Variants in DCC observed in about 807,000 individuals in gnomAD.
DCC encodes the protein netrin receptor DCC.
Under a neutral mutation model 172.5 loss-of-function variants are expected in DCC, and 58 were observed. That is an observed-to-expected ratio of 0.34 (90% confidence interval 0.27 to 0.42). The LOEUF is 0.42. DCC is among the 10% of genes least tolerant of loss of function. The pLI is 1.00. For missense variants in DCC, 1,740 were observed against 1,791.0 expected, an observed-to-expected ratio of 0.97 and a Z score of 0.51; for synonymous variants, 709 against 644.5, an observed-to-expected ratio of 1.10 and a Z score of -1.52.
At chr18:53,281,532 T>C (rs1255992637) in intron 12 of DCC, among the ~76,000 whole-genome samples, 2 of 152,188 alleles carry the variant, frequency 1.3e-5, no homozygotes, top group African/African-American at 4.8e-5. Flanking sequence ...TTAGGTACTG[T>C]TCAATCTAAA....
chr18:53,226,469 T>TA (rs1267146706), intron 12 of DCC, among the ~76,000 whole-genome samples: 3 of 152,128 alleles, frequency 2.0e-5, no homozygotes, highest in African/African-American at 7.2e-5. Flanking sequence ...CCATGGGACT[T>TA]AAAAAGCACA....
intron 7 of DCC, among the ~76,000 whole-genome samples, chr18:53,091,914 TTAAAA>T (rs2043019341): frequency 1.3e-5 from 2 of 151,934 alleles, no homozygotes; most frequent in Non-Finnish European, 2.9e-5. Context: ...ATATTTATCT[TTAAAA>T]TATTGAATTC....
intron 7 of DCC, among the ~76,000 whole-genome samples, chr18:53,091,213 A>G (rs2043004087): frequency 1.3e-5 from 2 of 151,904 alleles, no homozygotes; most frequent in African/African-American, 4.8e-5. Context: ...TCATATAGGC[A>G]TTATAGATCC....
At chr18:53,069,201 C>G (rs146027380) in intron 7 of DCC, among the ~76,000 whole-genome samples, 2 of 152,102 alleles carry the variant, frequency 1.3e-5, no homozygotes, top group Admixed American at 1.3e-4. Flanking sequence ...ATCTTAGAGG[C>G]CTTCCCAGAA....
chr18:53,102,715 T>C (rs890827475), intron 7 of DCC, among the ~76,000 whole-genome samples: 1 of 152,126 alleles, frequency 6.6e-6, no homozygotes, highest in Non-Finnish European at 1.5e-5. Flanking sequence ...ACCTAACTAA[T>C]AACTTTCCTG....
intron 7 of DCC, among the ~76,000 whole-genome samples, chr18:53,142,936 G>A (rs374526388): frequency 6.6e-6 from 1 of 151,540 alleles, no homozygotes; most frequent in East Asian, 2.0e-4. Flanking sequence ...GAAGAGGATT[G>A]GTCAGGTATC....
intron 12 of DCC, among the ~76,000 whole-genome samples, chr18:53,296,573 G>T (rs17411548): frequency 0.3 from 45,485 of 152,040 alleles, 8,727 homozygotes; most frequent in Non-Finnish European, 0.44. Context: ...AGGCTGGGGC[G>T]CCAGTTAGCT....
chr18:52,412,514 A>T (rs965360353), intron 1 of DCC, among the ~76,000 whole-genome samples: 3 of 152,180 alleles, frequency 2.0e-5, no homozygotes, highest in African/African-American at 7.2e-5. Context: ...TTATAAATGT[A>T]CAACTAAAAT....
intron 15 of DCC, among the ~76,000 whole-genome samples, chr18:53,385,687 T>C (rs1400184513): frequency 6.6e-6 from 1 of 152,240 alleles, no homozygotes; most frequent in East Asian, 1.9e-4. Context: ...CCCTTTGATG[T>C]TTCTTACACA....
chr18:53,516,961 G>T (rs1468133614), intron 27 of DCC, among the ~76,000 whole-genome samples: 1 of 144,574 alleles, frequency 6.9e-6, no homozygotes, highest in Admixed American at 6.8e-5. Flanking sequence ...TATACCCAAA[G>T]GACTATAAAT....
rs190141616 is a variant in DCC, at chr18:53,359,074, C to T, written c.2359+19167C>T. 1.3e-4 allele frequency among the ~76,000 whole-genome samples: 20 copies of T among 152,096 alleles called. No individual in the cohort carries two copies. The East Asian group carries it at 3.7e-3, about 28-fold the overall frequency. On this transcript the variant is annotated intron_variant, in intron 15 of 28. Coordinates refer to ENST00000442544, the MANE Select transcript of DCC (RefSeq NM_005215.4). ...ATGTTATGTACTGTGTATAAGACTG[C>T]AGAGTCAAGGAAAAGCAAAAGAGGC...
intron 1 of DCC, among the ~76,000 whole-genome samples, chr18:52,434,410 C>A (rs1987722899): frequency 6.6e-6 from 1 of 151,990 alleles, no homozygotes; most frequent in South Asian, 2.1e-4. Context: ...TAAGAGTGCC[C>A]AAAAATGTCA....
intron 7 of DCC, among the ~76,000 whole-genome samples, chr18:53,142,298 C>T (rs892897354): frequency 6.6e-6 from 1 of 152,156 alleles, no homozygotes; most frequent in African/African-American, 2.4e-5. Context: ...GTGTCTTGGG[C>T]CTGTGTTTGG....
At chr18:53,363,897 A>G (rs1297544025) in intron 15 of DCC, among the ~76,000 whole-genome samples, 2 of 152,186 alleles carry the variant, frequency 1.3e-5, no homozygotes, top group East Asian at 1.9e-4. Flanking sequence ...AGGTTTGAAT[A>G]TTACTATCCA....
At chr18:53,132,248 G>A (rs2043668222) in intron 7 of DCC, among the ~76,000 whole-genome samples, 1 of 151,978 alleles carries the variant, frequency 6.6e-6, no homozygotes, top group African/African-American at 2.4e-5. Context: ...CCCTGATTTG[G>A]AGAATTTGCC....
chr18:52,891,601 T>G (rs2039651076), intron 2 of DCC, among the ~76,000 whole-genome samples: 1 of 152,116 alleles, frequency 6.6e-6, no homozygotes, highest in Non-Finnish European at 1.5e-5. Flanking sequence ...CTTGCTCACA[T>G]GTATTATATT....
intron 27 of DCC, among the ~76,000 whole-genome samples, chr18:53,522,133 G>A (rs1250414361): frequency 1.3e-5 from 2 of 152,040 alleles, no homozygotes; most frequent in Non-Finnish European, 2.9e-5. Context: ...TAAACTTTAT[G>A]CCTTCACTTA....
intron 1 of DCC, among the ~76,000 whole-genome samples, chr18:52,389,855 G>C (rs1033487391): frequency 6.6e-6 from 1 of 151,996 alleles, no homozygotes; most frequent in Non-Finnish European, 1.5e-5. Flanking sequence ...ATATCTAATT[G>C]ATTATTGTTG....
intron 25 of DCC, among the ~76,000 whole-genome samples, chr18:53,468,890 T>G (rs1471127324): frequency 2.6e-5 from 4 of 152,160 alleles, no homozygotes; most frequent in Non-Finnish European, 4.4e-5. Flanking sequence ...GTAATTACAG[T>G]ATTCATGCAG....
Sources: gnomAD v4.1 joint callset for allele counts (sites outside exome capture counted in the v4.1 genomes callset) on GRCh38, gnomAD v4.1.1 for gene constraint, MANE v1.5 for transcripts, NCBI Gene and HGNC (gene_info 2026-07-23, HGNC 2026-07-21) for gene names.